The following DGKG variants were observed in gnomAD, a reference collection of about 807,000 sequenced individuals.
DGKG encodes DAG kinase gamma.
DGKG carries 78 observed loss-of-function variants against 105.3 expected under a neutral mutation model. The ratio of observed to expected loss-of-function variants is 0.74; its 90% CI spans 0.62 to 0.89. The LOEUF is 0.89. DGKG is among the 40% of genes least tolerant of loss of function. The pLI is 0.00. For synonymous variants in DGKG, 346 were observed against 367.1 expected, an observed-to-expected ratio of 0.94 and a Z score of 0.66; for missense variants, 958 against 1,020.1, an observed-to-expected ratio of 0.94 and a Z score of 0.83.
At chr3:186,192,673 C>T (rs918530766) in intron 21 of DGKG, among the ~76,000 whole-genome samples, 19 of 152,150 alleles carry the variant, frequency 1.2e-4, no homozygotes, top group South Asian at 2.1e-4. Flanking sequence ...CCAGATCCTA[C>T]GCTGGAGATG....
At chr3:186,154,995 G>A (rs770847844) in intron 24 of DGKG, among the ~76,000 whole-genome samples, 8 of 152,066 alleles carry the variant, frequency 5.3e-5, no homozygotes, top group African/African-American at 4.8e-5. Context: ...TTCTGCTATC[G>A]TCTAACTCTG....
chr3:186,312,637 A>G (rs1226466870), intron 2 of DGKG, among the ~76,000 whole-genome samples: 1 of 152,230 alleles, frequency 6.6e-6, no homozygotes, highest in Non-Finnish European at 1.5e-5. Flanking sequence ...GCGCATGAGC[A>G]AAAAAATAAA....
intron 21 of DGKG, among the ~76,000 whole-genome samples, chr3:186,199,775 A>C (rs562286673): frequency 2.2e-3 from 333 of 152,264 alleles, no homozygotes; most frequent in Non-Finnish European, 4.0e-3. Flanking sequence ...AGCCTCCCAC[A>C]GTGCTGGAAT....
At chr3:186,198,970 G>A (rs575452395) in intron 21 of DGKG, among the ~76,000 whole-genome samples, 29 of 151,900 alleles carry the variant, frequency 1.9e-4, no homozygotes, top group African/African-American at 6.8e-4. Context: ...TTTTTAAGAC[G>A]GAGTTTTGCT....
rs193192473 is a variant in DGKG, at chr3:186,299,424, A to G, written c.145-1195T>C. 1.3e-3 allele frequency among the ~76,000 whole-genome samples: 199 copies of G among 152,260 alleles called. 2 individuals carry two copies. The South Asian group carries it at 0.026, about 20-fold the overall frequency. ...GAGTAATGGCCTCCCCACCCCACTG[A>G]GGGGCTCACAAATAAATTTCTGTTT... On this transcript the variant is annotated intron_variant, in intron 3 of 24. Transcript: ENST00000265022.
At chr3:186,157,341 T>C (rs2108472664) in intron 24 of DGKG, among the ~76,000 whole-genome samples, 1 of 152,290 alleles carries the variant, frequency 6.6e-6, no homozygotes. Context: ...AATGATTCTT[T>C]TAATACATTG....
At chr3:186,205,643 G>A (rs1218262504) in intron 21 of DGKG, among the ~76,000 whole-genome samples, 2 of 152,092 alleles carry the variant, frequency 1.3e-5, no homozygotes, top group African/African-American at 4.8e-5. Flanking sequence ...CCAGGAGGAA[G>A]GGGTTTCAGT....
intron 21 of DGKG, among the ~76,000 whole-genome samples, chr3:186,207,159 T>C (rs566330831): frequency 5.9e-5 from 9 of 152,356 alleles, no homozygotes; most frequent in African/African-American, 2.2e-4. Context: ...AAGAAGCATC[T>C]AGGGTGAACG....
intron 12 of DGKG, among the ~76,000 whole-genome samples, chr3:186,268,123 A>G (rs1578751903): frequency 6.6e-6 from 1 of 152,136 alleles, no homozygotes; most frequent in East Asian, 1.9e-4. Flanking sequence ...GAGGAGGGAG[A>G]TGTTGATGAA....
intron 6 of DGKG, among the ~76,000 whole-genome samples, chr3:186,285,443 G>A (rs1013279373): frequency 2.6e-5 from 4 of 152,172 alleles, no homozygotes; most frequent in East Asian, 3.9e-4. Flanking sequence ...AAAGGTATTC[G>A]GAAATACGCT....
intron 13 of DGKG, among the ~76,000 whole-genome samples, chr3:186,267,278 C>T (rs1329870337): frequency 2.0e-5 from 3 of 152,196 alleles, no homozygotes; most frequent in Non-Finnish European, 4.4e-5. Context: ...GCTTTCCTTG[C>T]TGGGTCATTT....
At chr3:186,262,173 G>A (rs1721809244) in intron 14 of DGKG, among the ~76,000 whole-genome samples, 1 of 152,094 alleles carries the variant, frequency 6.6e-6, no homozygotes, top group Admixed American at 6.5e-5. Context: ...TGAACCACCC[G>A]CTTCCACCCT....
chr3:186,305,172 G>C (rs2108623493), intron 3 of DGKG, among the ~76,000 whole-genome samples: 1 of 152,314 alleles, frequency 6.6e-6, no homozygotes, highest in East Asian at 1.9e-4. Flanking sequence ...GTGACAGGTG[G>C]TGAGAAGTAC....
At chr3:186,262,617 T>C (rs1412318295) in intron 14 of DGKG, among the ~76,000 whole-genome samples, 1 of 152,224 alleles carries the variant, frequency 6.6e-6, no homozygotes, top group Non-Finnish European at 1.5e-5. Context: ...AATGTAAATT[T>C]CCTAACCTGG....
At chr3:186,185,778 A>G (rs971839174) in intron 22 of DGKG, among the ~76,000 whole-genome samples, 3 of 152,080 alleles carry the variant, frequency 2.0e-5, no homozygotes, top group Non-Finnish European at 4.4e-5. Flanking sequence ...TGAAAAGTTT[A>G]CTGTGTGAAA....
intron 21 of DGKG, among the ~76,000 whole-genome samples, chr3:186,191,755 T>C (rs1435259994): frequency 6.6e-6 from 1 of 152,254 alleles, no homozygotes; most frequent in Non-Finnish European, 1.5e-5. Flanking sequence ...TATTCCTACC[T>C]GGTTGCATGC....
At chr3:186,224,487 T>C (rs1280348385) in intron 20 of DGKG, among the ~76,000 whole-genome samples, 1 of 152,158 alleles carries the variant, frequency 6.6e-6, no homozygotes, top group Non-Finnish European at 1.5e-5. Context: ...AAAGAGTCTG[T>C]AAGTTATATG....
At chr3:186,285,629 G>A (rs1723025018) in intron 6 of DGKG, among the ~76,000 whole-genome samples, 1 of 151,916 alleles carries the variant, frequency 6.6e-6, no homozygotes, top group Admixed American at 6.5e-5. Context: ...CAGCATGGCA[G>A]GAAGCAGAGA....
intron 11 of DGKG, among the ~76,000 whole-genome samples, chr3:186,270,455 A>G (rs1362224859): frequency 5.9e-5 from 9 of 152,240 alleles, no homozygotes; most frequent in Non-Finnish European, 4.4e-5. Flanking sequence ...TAAATTACTT[A>G]GCAATTAAGT....
Sources: allele counts gnomAD v4.1 joint callset (sites outside exome capture counted in the v4.1 genomes callset), GRCh38; gene constraint gnomAD v4.1.1; transcripts MANE v1.5; gene names NCBI Gene and HGNC (gene_info 2026-07-23, HGNC 2026-07-21).